Variants in GLI2 observed in about 807,000 individuals in gnomAD.
GLI2 encodes the protein transcription activator GLI2.
In GLI2, 22 loss-of-function variants were observed where a neutral mutation model predicts 78.9. The observed-to-expected ratio is 0.28, with a 90% CI of 0.20 to 0.40. The LOEUF is 0.40. Among genes scored for constraint, GLI2 ranks in the 10% least tolerant of loss-of-function variants. The pLI, the probability that GLI2 is intolerant of heterozygous loss-of-function variation, is 1.00. For missense variants in GLI2, 2,097 were observed against 2,213.2 expected (o/e 0.95, Z 1.05); for synonymous variants, 974 against 963.7 (o/e 1.01, Z -0.20).
At chr2:120,741,257 C>T (rs886723975) in intron 1 of GLI2, among the ~76,000 whole-genome samples, 1 of 152,148 alleles carries the variant, frequency 6.6e-6, no homozygotes, top group Non-Finnish European at 1.5e-5. Flanking sequence ...GGAGCCATTC[C>T]CTCTAGGAAA....
rs768557650 is a variant in GLI2 at position 120,984,570 on chromosome 2, G to A, written c.1732G>A (p.Val578Ile). ...AACGGTCCACGGCCCAGATGCCCAC[G>A]TCACCAAGAAGCAGCGCAATGACGT... The part of the protein sequence containing the change: ...VKTVHGPDAH[V>I]TKKQRNDVHL... Residue 578 changes from valine (V) to isoleucine (I), a missense_variant, in exon 12 of 14, where the codon GTC (valine) becomes ATC (isoleucine). Val to Ile is a conservative substitution (Grantham distance 29, BLOSUM62 3). Coordinates refer to ENST00000361492, the MANE Select transcript of GLI2 (RefSeq NM_001374353.1). 1.6e-5 allele frequency: 26 copies of A among 1,614,094 alleles called. No homozygotes were observed. The East Asian group carries it at 1.8e-4, about 11-fold the overall frequency.
chr2:120,890,755 G>A (rs1326151357), intron 2 of GLI2, among the ~76,000 whole-genome samples: 2 of 152,206 alleles, frequency 1.3e-5, no homozygotes, highest in African/African-American at 4.8e-5. Context: ...CCTCAAGTAA[G>A]CAAGCCGTGC....
At chr2:120,854,894 C>T (rs1333360996) in intron 2 of GLI2, among the ~76,000 whole-genome samples, 1 of 152,220 alleles carries the variant, frequency 6.6e-6, no homozygotes, top group Non-Finnish European at 1.5e-5. Context: ...TGGCCCAGAA[C>T]ACACTTGGAA....
intron 2 of GLI2, among the ~76,000 whole-genome samples, chr2:120,898,757 T>C (rs1382907764): frequency 6.6e-6 from 1 of 151,150 alleles, no homozygotes; most frequent in African/African-American, 2.5e-5. Flanking sequence ...TTTTCTCAGA[T>C]AGAGAAAATA....
rs957700702 is a variant in GLI2, at chr2:120,797,461, C to T, written c.141C>T (p.Ala47=). ...VAAAAAAAVA[A]QGVPQHLLPP... is the part of the protein sequence containing the mutation. ...CAGCGGCAGCAGCAGCGGTAGCTGCCCAAGGAGGTACTTTCTGTTTCGCAC... is the reference window on the plus strand; with the variant it reads ...CAGCGGCAGCAGCAGCGGTAGCTGCTCAAGGAGGTACTTTCTGTTTCGCAC... The change falls in exon 2 of 14, where the codon GCC becomes GCT. Residue 47 remains alanine, a synonymous_variant. Coordinates refer to ENST00000361492, the MANE Select transcript of GLI2 (RefSeq NM_001374353.1). The T allele has an allele frequency of 1.9e-6, 3 of 1,613,554 alleles. No homozygotes were observed. The Admixed American group carries it at 5.0e-5, about 27-fold the overall frequency.
At chr2:120,808,309 C>T (rs367621995) in intron 2 of GLI2, among the ~76,000 whole-genome samples, 6 of 152,168 alleles carry the variant, frequency 3.9e-5, no homozygotes, top group African/African-American at 1.2e-4. Context: ...CTGCCCCCGC[C>T]GAGTGCTGCA....
chr2:120,812,758 T>C (rs1685315317), intron 2 of GLI2, among the ~76,000 whole-genome samples: 1 of 152,208 alleles, frequency 6.6e-6, no homozygotes, highest in Admixed American at 6.5e-5. Context: ...TCTCTTTTCC[T>C]GGAACTTTTT....
intron 1 of GLI2, among the ~76,000 whole-genome samples, chr2:120,779,152 G>A (rs1010557180): frequency 2.0e-5 from 3 of 152,188 alleles, no homozygotes; most frequent in Admixed American, 1.3e-4. Context: ...GTACTTACAC[G>A]CATCAGCTCA....
At chr2:120,931,905 G>A (rs1292230083) in intron 3 of GLI2, among the ~76,000 whole-genome samples, 2 of 152,138 alleles carry the variant, frequency 1.3e-5, no homozygotes, top group Non-Finnish European at 2.9e-5. Flanking sequence ...CCGTCCCTAC[G>A]CGGTCCTGCT....
rs901262685 is a variant in GLI2 at position 120,887,364 on chromosome 2, G to T, written c.149-39997G>T. ...CCAAATTAGATCAATTCCAGCCGGAGCCTGGAGCCTGTGATTATCACCCTC... is the reference window on the plus strand; with the variant it reads ...CCAAATTAGATCAATTCCAGCCGGATCCTGGAGCCTGTGATTATCACCCTC... On this transcript the variant is annotated intron_variant, in intron 2 of 13. Transcript: ENST00000361492. Among the ~76,000 whole-genome samples, 3 of 152,228 alleles carry T rather than the reference G, an allele frequency of 2.0e-5. No homozygotes were observed. The South Asian group carries it at 6.2e-4, about 32-fold the overall frequency.
intron 1 of GLI2, among the ~76,000 whole-genome samples, chr2:120,780,502 C>T (rs980341110): frequency 6.6e-6 from 1 of 152,220 alleles, no homozygotes; most frequent in African/African-American, 2.4e-5. Flanking sequence ...GGAGTTTTTC[C>T]AGCAGCGTGG....
intron 2 of GLI2, among the ~76,000 whole-genome samples, chr2:120,859,750 C>T (rs531921643): frequency 3.3e-5 from 5 of 151,418 alleles, no homozygotes; most frequent in South Asian, 4.2e-4. Context: ...CCATCGGGCC[C>T]GGCCTTTTTT....
At chr2:120,835,079 GA>G (rs1013338263) in intron 2 of GLI2, among the ~76,000 whole-genome samples, 2 of 152,028 alleles carry the variant, frequency 1.3e-5, no homozygotes, top group African/African-American at 4.8e-5. Flanking sequence ...ACACCAAACT[GA>G]AAAAAAGACA....
At chr2:120,882,370 C>T (rs2104718230) in intron 2 of GLI2, among the ~76,000 whole-genome samples, 1 of 152,338 alleles carries the variant, frequency 6.6e-6, no homozygotes, top group South Asian at 2.1e-4. Flanking sequence ...GCGCCCGCTG[C>T]AGGCGTCAGC....
chr2:120,873,584 T>A (rs555162938), intron 2 of GLI2, among the ~76,000 whole-genome samples: 1 of 152,184 alleles, frequency 6.6e-6, no homozygotes, highest in Non-Finnish European at 1.5e-5. Flanking sequence ...AATAATGTAT[T>A]AGTATAGAGA....
At chr2:120,876,205 G>A (rs1688731519) in intron 2 of GLI2, among the ~76,000 whole-genome samples, 3 of 152,300 alleles carry the variant, frequency 2.0e-5, no homozygotes, top group South Asian at 4.1e-4. Flanking sequence ...AGCCGGGCGT[G>A]GTGGCGGGTG....
intron 2 of GLI2, among the ~76,000 whole-genome samples, chr2:120,904,242 G>A (rs1678405254): frequency 6.6e-6 from 1 of 152,224 alleles, no homozygotes. Flanking sequence ...GTAGGACACT[G>A]AGATGGCTGA....
At chr2:120,897,188 G>A (rs985234140) in intron 2 of GLI2, among the ~76,000 whole-genome samples, 4 of 152,218 alleles carry the variant, frequency 2.6e-5, no homozygotes, top group Admixed American at 1.3e-4. Context: ...GGTCTTGTCC[G>A]GGTCAGCCTC....
At chr2:120,885,589 T>C (rs1296960746) in intron 2 of GLI2, among the ~76,000 whole-genome samples, 2 of 152,182 alleles carry the variant, frequency 1.3e-5, no homozygotes, top group South Asian at 2.1e-4. Flanking sequence ...GCGGGGCAGC[T>C]ATAGCAACAG....
Sources: gnomAD v4.1 joint callset for allele counts (sites outside exome capture counted in the v4.1 genomes callset) on GRCh38, gnomAD v4.1.1 for gene constraint, MANE v1.5 for transcripts, NCBI Gene and HGNC (gene_info 2026-07-23, HGNC 2026-07-21) for gene names.